The following RNF17 variants were observed in gnomAD, a reference collection of about 807,000 sequenced individuals.
The protein encoded by RNF17 is spermatogenesis associated 23.
A neutral mutation model predicts 200.5 loss-of-function variants in RNF17; 31 were observed. The ratio of observed to expected loss-of-function variants is 0.15; its 90% CI spans 0.12 to 0.21. RNF17 has a LOEUF of 0.21. Among genes scored for constraint, RNF17 ranks in the 10% least tolerant of loss-of-function variants. The probability of loss-of-function intolerance (pLI) is 1.00; values close to 1 mark genes in which losing one functional copy is unlikely to be tolerated. For synonymous variants in RNF17, 606 were observed against 637.8 expected, an observed-to-expected ratio of 0.95 and a Z score of 0.75; for missense variants, 1,628 against 1,905.1, an observed-to-expected ratio of 0.85 and a Z score of 2.71.
intron 24 of RNF17, among the ~76,000 whole-genome samples, chr13:24,852,225 A>G (rs1009425335): frequency 7.2e-6 from 1 of 138,876 alleles, no homozygotes; most frequent in Non-Finnish European, 1.5e-5. Context: ...TGCAAGCTCC[A>G]CCTCCCAGGT....
At chr13:24,863,384 A>G (rs1893291168) in intron 28 of RNF17, among the ~76,000 whole-genome samples, 1 of 152,152 alleles carries the variant, frequency 6.6e-6, no homozygotes, top group African/African-American at 2.4e-5. Flanking sequence ...AAATGGTGTA[A>G]CTGTTTGACT....
chr13:24,830,500 G>A lies in RNF17; in HGVS notation c.2262G>A (p.Gln754=). Residue 754 remains glutamine (Q), a synonymous_variant, in exon 17 of 36, where the codon CAG becomes CAA. Coordinates refer to ENST00000255324, the MANE Select transcript of RNF17 (RefSeq NM_031277.3). ...RAKVIGLPGH[Q]EVEVKYVDFG... ...TTTTTCAAGGATTGCCTGGACATCA[G>A]GAAGTTGAAGTTAAATATGTGGACT... 6.3e-7 allele frequency: 1 copy of A among 1,599,640 alleles called. No homozygotes were observed. Among genetic ancestry groups the A allele is most frequent in the Non-Finnish European group, 8.5e-7 (1 of 1,172,308 alleles).
At chr13:24,884,383 C>T, downstream of RNF17, 1 of 1,614,078 alleles carries the variant, frequency 6.2e-7, no homozygotes, top group Non-Finnish European at 8.5e-7. Context: ...CAGTGATGGT[C>T]TTCCCATCTG....
chr13:24,816,006 C>T lies in RNF17; in HGVS notation c.2092-9613C>T, dbSNP rs553223030. On this transcript the variant is annotated intron_variant, in intron 15 of 35. Transcript: ENST00000255324. Reference sequence around the variant, plus strand: ...GCCTCCCAGACTCAAGCAGTCCTCCCGCCTCAGCCTTCTGAGTTGCTGGGA... The same window carrying T: ...GCCTCCCAGACTCAAGCAGTCCTCCTGCCTCAGCCTTCTGAGTTGCTGGGA... Among the ~76,000 whole-genome samples, 12 of 152,212 alleles carry T rather than the reference C, an allele frequency of 7.9e-5. No homozygotes were observed. The South Asian group carries it at 8.3e-4, about 11-fold the overall frequency.
intron 15 of RNF17, among the ~76,000 whole-genome samples, chr13:24,815,863 T>C (rs1253802014): frequency 6.6e-6 from 1 of 152,178 alleles, no homozygotes; most frequent in East Asian, 1.9e-4. Context: ...GTCAATGTGG[T>C]GTATTACATT....
intron 1 of RNF17, among the ~76,000 whole-genome samples, chr13:24,766,218 GAATA>G (rs772350370): frequency 3.3e-5 from 5 of 152,280 alleles, no homozygotes; most frequent in South Asian, 2.1e-4. Context: ...ATGAATGGAT[GAATA>G]AATAAATAAA....
At chr13:24,776,755 T>C (rs2863938) in intron 3 of RNF17, among the ~76,000 whole-genome samples, 149,613 of 152,286 alleles carry the variant, frequency 0.98, 73,533 homozygotes, top group Middle Eastern at 1. Flanking sequence ...TCACCCCCTC[T>C]GAAGGAGGCA....
At chr13:24,825,799 G>C in intron 16 of RNF17, 27 bp downstream of exon 16, 2 of 1,598,550 alleles carry the variant, frequency 1.3e-6, no homozygotes, top group Non-Finnish European at 1.7e-6. Context: ...TGTTTCTACA[G>C]GGAGATGTCA....
intron 31 of RNF17, among the ~76,000 whole-genome samples, chr13:24,869,693 T>C (rs1481364923): frequency 6.6e-6 from 1 of 152,184 alleles, no homozygotes; most frequent in Non-Finnish European, 1.5e-5. Context: ...GGCAGAGTTC[T>C]ACCAAGACAG....
downstream of RNF17, chr13:24,884,572 A>G (rs1419096176): frequency 5.7e-6 from 6 of 1,056,418 alleles, no homozygotes; most frequent in Admixed American, 3.5e-5. Flanking sequence ...AATGTAAAAC[A>G]TTCCCTCAAA....
intron 15 of RNF17, among the ~76,000 whole-genome samples, chr13:24,817,873 T>C (rs1887586258): frequency 6.6e-6 from 1 of 152,158 alleles, no homozygotes; most frequent in Non-Finnish European, 1.5e-5. Flanking sequence ...CTTTTGGCTT[T>C]ATTGATGTTC....
chr13:24,856,920 C>T (rs1220676807), intron 25 of RNF17, among the ~76,000 whole-genome samples: 3 of 152,002 alleles, frequency 2.0e-5, no homozygotes, highest in Non-Finnish European at 4.4e-5. Context: ...ACACTGTGTT[C>T]AAAGTGTTGC....
At chr13:24,811,882 T>G (rs1283626398) in intron 15 of RNF17, among the ~76,000 whole-genome samples, 2 of 152,076 alleles carry the variant, frequency 1.3e-5, no homozygotes, top group Non-Finnish European at 2.9e-5. Flanking sequence ...CAGCTGCAGG[T>G]CTGTTGGAGT....
chr13:24,766,598 C>T (rs1473904604), intron 1 of RNF17, among the ~76,000 whole-genome samples: 1 of 152,168 alleles, frequency 6.6e-6, no homozygotes, highest in Non-Finnish European at 1.5e-5. Flanking sequence ...TTCCTGACCT[C>T]TTCACAGGAT....
At chr13:24,750,145 A>T in the RNF17 span, among the ~76,000 whole-genome samples, 4 of 152,080 alleles carry the variant, frequency 2.6e-5, no homozygotes, top group Admixed American at 6.5e-5. Context: ...TTCTCATTAA[A>T]TTTTTTTCTT....
At chr13:24,802,317 C>T in intron 13 of RNF17, 64 bp from the exon 14 acceptor site, 1 of 1,424,590 alleles carries the variant, frequency 7.0e-7, no homozygotes, top group Non-Finnish European at 9.6e-7. Flanking sequence ...AACCTAAATC[C>T]AGAACATTGT....
chr13:24,883,252 TTGA>T (rs1566275140), downstream of RNF17: 1 of 1,614,146 alleles, frequency 6.2e-7, no homozygotes, highest in South Asian at 1.1e-5. Context: ...ACTTCGTTTC[TTGA>T]TGACCGTTTG....
chr13:24,880,092 A>G (rs569561600), downstream of RNF17, among the ~76,000 whole-genome samples: 2 of 152,324 alleles, frequency 1.3e-5, no homozygotes, highest in Admixed American at 1.3e-4. Context: ...CTCTTCTTAT[A>G]CTGCTATAAA....
intron 15 of RNF17, among the ~76,000 whole-genome samples, chr13:24,809,289 T>C (rs1439402970): frequency 1.3e-5 from 2 of 151,638 alleles, no homozygotes; most frequent in Non-Finnish European, 2.9e-5. Context: ...CTCTTTTTGG[T>C]TGGTAAGCTA....
Sources: gnomAD v4.1 joint callset for allele counts (sites outside exome capture counted in the v4.1 genomes callset) on GRCh38, gnomAD v4.1.1 for gene constraint, MANE v1.5 for transcripts, NCBI Gene and HGNC (gene_info 2026-07-23, HGNC 2026-07-21) for gene names.